Variants in CAMSAP2 observed in about 807,000 individuals in gnomAD.
The protein encoded by CAMSAP2 is calmodulin-regulated spectrin-associated protein 2.
CAMSAP2 carries 26 observed loss-of-function variants against 146.1 expected under a neutral mutation model. The observed-to-expected ratio is 0.18, with a 90% CI of 0.13 to 0.25. The LOEUF (loss-of-function observed/expected upper bound fraction) is 0.25, where lower values mean the gene tolerates loss of function less well. Among genes scored for constraint, CAMSAP2 ranks in the 10% least tolerant of loss-of-function variants. The probability of loss-of-function intolerance (pLI) is 1.00; values close to 1 mark genes in which losing one functional copy is unlikely to be tolerated. For missense variants in CAMSAP2, 1,381 were observed against 1,759.3 expected, an observed-to-expected ratio of 0.78 and a Z score of 3.85; for synonymous variants, 499 against 596.6, an observed-to-expected ratio of 0.84 and a Z score of 2.38.
At chr1:200,745,066 A>G (rs1238768694) in intron 1 of CAMSAP2, among the ~76,000 whole-genome samples, 1 of 152,182 alleles carries the variant, frequency 6.6e-6, no homozygotes. Context: ...TGCATTATTT[A>G]TTTTAATTCT....
At chr1:200,780,952 C>G (rs1485744630) in intron 2 of CAMSAP2, among the ~76,000 whole-genome samples, 1 of 152,150 alleles carries the variant, frequency 6.6e-6, no homozygotes, top group Non-Finnish European at 1.5e-5. Flanking sequence ...TATGTCAAAA[C>G]CTTGTGTGGT....
At chr1:200,762,432 GT>G (rs1664826832) in intron 2 of CAMSAP2, among the ~76,000 whole-genome samples, 1 of 152,140 alleles carries the variant, frequency 6.6e-6, no homozygotes, top group Admixed American at 6.5e-5. Context: ...TATGTGAACA[GT>G]TTGCCCATAC....
At chr1:200,741,209 G>A (rs1664165914) in intron 1 of CAMSAP2, among the ~76,000 whole-genome samples, 1 of 152,170 alleles carries the variant, frequency 6.6e-6, no homozygotes, top group African/African-American at 2.4e-5. Flanking sequence ...GTGATTTTAT[G>A]TTTATGGCAG....
At chr1:200,817,163 C>CATAT (rs1372017217) in intron 4 of CAMSAP2, among the ~76,000 whole-genome samples, 14 of 75,484 alleles carry the variant, frequency 1.9e-4, no homozygotes, top group African/African-American at 6.7e-4. Context: ...CACATACACA[C>CATAT]ACGTGTGTGT....
chr1:200,829,845 T>C (rs1666997109), intron 4 of CAMSAP2, among the ~76,000 whole-genome samples: 1 of 151,988 alleles, frequency 6.6e-6, no homozygotes, highest in Non-Finnish European at 1.5e-5. Context: ...GAGAATCACC[T>C]GAGACCAGGA....
At chr1:200,761,159 GATATA>G (rs1201239645) in intron 2 of CAMSAP2, 61 bp downstream of exon 2, 1 of 1,450,574 alleles carries the variant, frequency 6.9e-7, no homozygotes, top group Non-Finnish European at 9.6e-7. Flanking sequence ...GAGTGTGAAT[GATATA>G]CTGTAAAACA....
chr1:200,766,662 GT>G (rs150084434), intron 2 of CAMSAP2, among the ~76,000 whole-genome samples: 15,322 of 151,822 alleles, frequency 0.1, 879 homozygotes, highest in Middle Eastern at 0.14. Flanking sequence ...TTCTTTTTCG[GT>G]TTTTTTTCTT....
chr1:200,765,164 A>T (rs762099871), intron 2 of CAMSAP2, among the ~76,000 whole-genome samples: 4 of 152,056 alleles, frequency 2.6e-5, no homozygotes, highest in Non-Finnish European at 4.4e-5. Flanking sequence ...CATTTCTCTC[A>T]ATCTCCACCC....
In CAMSAP2 at chr1:200,816,974, A is replaced by G. The variant is rs537425627; in HGVS notation, c.645+1330A>G. Among the ~76,000 whole-genome samples, 58 of 116,550 alleles carry G rather than the reference A, an allele frequency of 5.0e-4. 16 individuals carry two copies. The highest frequency in any genetic ancestry group is 5.5e-4 in the East Asian group (2 of 3,612). 76.5% of individuals were successfully genotyped at this position (116,550 alleles called of 152,430 possible). A position where few individuals can be genotyped will look rare whatever the true frequency, so the allele number is the denominator to read the frequency against. ...TACACACACACGCGTGTGTATGTGTATATATCTACACATATATACATATAT... is the reference window on the plus strand; with the variant it reads ...TACACACACACGCGTGTGTATGTGTGTATATCTACACATATATACATATAT... On this transcript the variant is annotated intron_variant, in intron 4 of 16. Transcript: ENST00000358823.
intron 15 of CAMSAP2, among the ~76,000 whole-genome samples, chr1:200,856,346 G>T (rs1667751854): frequency 6.6e-6 from 1 of 152,226 alleles, no homozygotes; most frequent in East Asian, 1.9e-4. Context: ...GGCCATTTCT[G>T]TGTGTAGTTT....
At chr1:200,743,006 A>C (rs1372233607) in intron 1 of CAMSAP2, among the ~76,000 whole-genome samples, 1 of 152,224 alleles carries the variant, frequency 6.6e-6, no homozygotes, top group Non-Finnish European at 1.5e-5. Flanking sequence ...TGGAAGATGC[A>C]GATACAGGTT....
intron 2 of CAMSAP2, among the ~76,000 whole-genome samples, chr1:200,783,279 T>C (rs2103024012): frequency 6.6e-6 from 1 of 152,348 alleles, no homozygotes; most frequent in South Asian, 2.1e-4. Flanking sequence ...TGCATTTCCC[T>C]GAGGACTAAT....
chr1:200,791,737 G>T (rs562626963), intron 2 of CAMSAP2, among the ~76,000 whole-genome samples: 11 of 151,992 alleles, frequency 7.2e-5, no homozygotes, highest in African/African-American at 2.7e-4. Flanking sequence ...CTTTTTGTGC[G>T]AGCTAGTTAG....
intron 3 of CAMSAP2, among the ~76,000 whole-genome samples, chr1:200,808,690 C>G (rs887580086): frequency 6.6e-6 from 1 of 152,206 alleles, no homozygotes; most frequent in Non-Finnish European, 1.5e-5. Context: ...ACCTTCACAT[C>G]CCATTACAGA....
intron 13 of CAMSAP2, 88 bp from the exon 14 acceptor site, chr1:200,854,729 T>C: frequency 1.2e-6 from 1 of 855,318 alleles, no homozygotes; most frequent in East Asian, 2.6e-5. Context: ...GCTGGTGTTA[T>C]CTAATGAACA....
At chr1:200,771,189 A>G (rs957012258) in intron 2 of CAMSAP2, among the ~76,000 whole-genome samples, 2 of 152,214 alleles carry the variant, frequency 1.3e-5, no homozygotes, top group Non-Finnish European at 2.9e-5. Context: ...TGTTTTGCTC[A>G]CCTGACTAAA....
intron 4 of CAMSAP2, among the ~76,000 whole-genome samples, chr1:200,818,059 C>T (rs1447490039): frequency 6.6e-6 from 1 of 151,964 alleles, no homozygotes; most frequent in Non-Finnish European, 1.5e-5. Context: ...GTAATCCTGC[C>T]CCTCAATTTT....
Position 200,767,040 on chromosome 1 carries a change from G to A in CAMSAP2, c.399+5942G>A, listed in dbSNP as rs570845276. 3.3e-5 allele frequency among the ~76,000 whole-genome samples: 5 copies of A among 152,240 alleles called. No individual in the cohort carries two copies. In the South Asian group the frequency reaches 8.3e-4, roughly 25 times the overall value. ...ATGAGTTAATTGATACAGTATTTAA[G>A]AATATGCAGGCAGGGCGTGGTGGCT... On this transcript the variant is annotated intron_variant, in intron 2 of 16. Coordinates refer to ENST00000358823, the MANE Select transcript of CAMSAP2 (RefSeq NM_203459.4).
intron 2 of CAMSAP2, among the ~76,000 whole-genome samples, chr1:200,802,590 T>G (rs1030189469): frequency 1.3e-5 from 2 of 152,202 alleles, no homozygotes; most frequent in African/African-American, 4.8e-5. Context: ...TTAAAGTATT[T>G]ATTTCCTCTT....
Sources: allele counts gnomAD v4.1 joint callset (sites outside exome capture counted in the v4.1 genomes callset), GRCh38; gene constraint gnomAD v4.1.1; transcripts MANE v1.5; gene names NCBI Gene and HGNC (gene_info 2026-07-23, HGNC 2026-07-21).